The following SEMA3A variants were observed in gnomAD, a reference collection of about 807,000 sequenced individuals.
SEMA3A encodes the protein semaphorin 3A.
Under a neutral mutation model 97.9 loss-of-function variants are expected in SEMA3A, and 29 were observed. The observed-to-expected ratio is 0.30, with a 90% CI of 0.22 to 0.40. The LOEUF (loss-of-function observed/expected upper bound fraction) is 0.40, where lower values mean the gene tolerates loss of function less well. Ranked by LOEUF, SEMA3A falls within the 10% of genes least tolerant of loss-of-function variation. The probability of loss-of-function intolerance (pLI) is 1.00; values close to 1 mark genes in which losing one functional copy is unlikely to be tolerated. For missense variants in SEMA3A, 763 were observed against 951.3 expected (o/e 0.80, Z 2.60); for synonymous variants, 321 against 323.7 (o/e 0.99, Z 0.09).
At chr7:84,328,721 T>C (rs540198189) in intron 2 of SEMA3A, among the ~76,000 whole-genome samples, 1 of 152,156 alleles carries the variant, frequency 6.6e-6, no homozygotes, top group Admixed American at 6.6e-5. Flanking sequence ...AAATATTTTC[T>C]AAGGATTTGG....
rs1554385260 is a variant in SEMA3A, at chr7:84,429,516, T to TTTTATATATATATATA, written c.-245-57617_-245-57616insTATATATATATATAAA. Among the ~76,000 whole-genome samples the TTTTATATATATATATA allele has an allele frequency of 9.5e-3, 690 of 72,354 alleles. 39 individuals are homozygous for TTTTATATATATATATA. The highest frequency in any genetic ancestry group is 0.052 in the Middle Eastern group (5 of 96). 47.5% of individuals were successfully genotyped at this position (72,354 alleles called of 152,430 possible). On this transcript the variant is annotated intron_variant, in intron 1 of 3. Transcript: ENST00000424555. ...TTGCATTAGTAAAATATAGAGTTTGTTATATATATATATATATATATATAT... is the reference window on the plus strand; with the variant it reads ...TTGCATTAGTAAAATATAGAGTTTGTTTTATATATATATATATATATATATATATATATATATATAT...
intron 3 of SEMA3A, among the ~76,000 whole-genome samples, chr7:84,265,884 G>C (rs188337562): frequency 1.2e-3 from 182 of 152,096 alleles, no homozygotes; most frequent in African/African-American, 4.1e-3. Context: ...TTGGCTACTT[G>C]TTATAATTAC....
intron 6 of SEMA3A, among the ~76,000 whole-genome samples, chr7:84,033,772 C>T (rs919573281): frequency 6.6e-6 from 1 of 152,060 alleles, no homozygotes; most frequent in African/African-American, 2.4e-5. Flanking sequence ...GGTACAGATT[C>T]TCATTCAATA....
Position 84,060,406 on chromosome 7 carries a change from A to G in SEMA3A, c.547+59T>C, listed in dbSNP as rs1793165819. 26 of 1,088,710 alleles carry G rather than the reference A, an allele frequency of 2.4e-5. 1 individual carries two copies. The South Asian group carries it at 3.5e-4, about 15-fold the overall frequency. 67.4% of individuals were successfully genotyped at this position (1,088,710 alleles called of 1,614,324 possible). ...AAAATCTTGGTAGATAAAAAAGAAC[A>G]TACAACCTGTTTGTTATTTATAGAA... On this transcript the variant is annotated intron_variant, in intron 5 of 16. Coordinates refer to ENST00000265362, the MANE Select transcript of SEMA3A (RefSeq NM_006080.3).
intron 6 of SEMA3A, among the ~76,000 whole-genome samples, chr7:84,033,145 C>T (rs1791819135): frequency 6.6e-6 from 1 of 152,094 alleles, no homozygotes; most frequent in Admixed American, 6.6e-5. Context: ...CAGTTAAAGA[C>T]AGTTAATTCA....
chr7:84,173,722 G>A (rs1797469862), intron 1 of SEMA3A, among the ~76,000 whole-genome samples: 1 of 152,126 alleles, frequency 6.6e-6, no homozygotes. Flanking sequence ...AAGTGGTAGA[G>A]CAAGGGCTTC....
chr7:84,212,043 T>C lies in SEMA3A; in HGVS notation c.-82-17375A>G, dbSNP rs4509247. Among the ~76,000 whole-genome samples, 11 of 152,270 alleles carry C rather than the reference T, an allele frequency of 7.2e-5. No individual in the cohort carries two copies. In the South Asian group the frequency reaches 1.2e-3, roughly 17 times the overall value. Reference sequence around the variant, plus strand: ...CAGTCAGCCAAATATGGAAGACGAATATTCGGGAGCAGAGCATTGCATGTA... The same window carrying C: ...CAGTCAGCCAAATATGGAAGACGAACATTCGGGAGCAGAGCATTGCATGTA... On this transcript the variant is annotated intron_variant, in intron 3 of 3. Coordinates refer to the SEMA3A transcript ENST00000424555.
At chr7:84,268,672 C>T (rs1800071742) in intron 3 of SEMA3A, among the ~76,000 whole-genome samples, 1 of 152,138 alleles carries the variant, frequency 6.6e-6, no homozygotes, top group African/African-American at 2.4e-5. Flanking sequence ...TTACACCATC[C>T]TTCCTTTCCT....
At chr7:83,991,507 T>G (rs941583299) in intron 12 of SEMA3A, among the ~76,000 whole-genome samples, 1 of 151,096 alleles carries the variant, frequency 6.6e-6, no homozygotes, top group African/African-American at 2.4e-5. Flanking sequence ...AATACCTAAT[T>G]TATTGAGAGT....
intron 1 of SEMA3A, among the ~76,000 whole-genome samples, chr7:84,379,709 AAAC>A (rs1378038023): frequency 6.6e-6 from 1 of 152,190 alleles, no homozygotes; most frequent in Non-Finnish European, 1.5e-5. Context: ...AAAAAAAGAA[AAAC>A]AACAAAACTA....
At chr7:84,405,911 A>G (rs1804070809) in intron 1 of SEMA3A, among the ~76,000 whole-genome samples, 1 of 152,214 alleles carries the variant, frequency 6.6e-6, no homozygotes. Context: ...ATGTAGAGGG[A>G]AATTTATAGC....
At chr7:84,482,933 A>T (rs1006455440) in intron 1 of SEMA3A, among the ~76,000 whole-genome samples, 1 of 151,150 alleles carries the variant, frequency 6.6e-6, no homozygotes, top group Non-Finnish European at 1.5e-5. Context: ...TACCCTTGGA[A>T]TGTTTAATTA....
intron 2 of SEMA3A, among the ~76,000 whole-genome samples, chr7:84,132,525 A>C (rs534310080): frequency 6.6e-6 from 1 of 152,042 alleles, no homozygotes; most frequent in Non-Finnish European, 1.5e-5. Flanking sequence ...TAGGTATTCT[A>C]TGCTCATAAA....
intron 1 of SEMA3A, among the ~76,000 whole-genome samples, chr7:84,474,545 G>T (rs1293327858): frequency 6.6e-6 from 1 of 152,054 alleles, no homozygotes; most frequent in East Asian, 1.9e-4. Context: ...TATCCTCTAG[G>T]TAGGTGTAAT....
chr7:84,487,077 G>A (rs1326591557), intron 1 of SEMA3A, among the ~76,000 whole-genome samples: 1 of 152,074 alleles, frequency 6.6e-6, no homozygotes, highest in Non-Finnish European at 1.5e-5. Context: ...AACTTCTACT[G>A]TGAACATATA....
chr7:83,998,775 TTTG>T (rs1223112634), intron 12 of SEMA3A, among the ~76,000 whole-genome samples: 1 of 152,154 alleles, frequency 6.6e-6, no homozygotes, highest in East Asian at 1.9e-4. Context: ...ATTTTTAAAA[TTTG>T]TTATTATTAT....
At chr7:84,438,800 G>T (rs960689200) in intron 1 of SEMA3A, among the ~76,000 whole-genome samples, 1 of 151,942 alleles carries the variant, frequency 6.6e-6, no homozygotes, top group East Asian at 1.9e-4. Flanking sequence ...AGGTTTCACA[G>T]TCCTTGGAAG....
intron 3 of SEMA3A, among the ~76,000 whole-genome samples, chr7:84,277,231 ATAT>A (rs1800324252): frequency 6.6e-6 from 1 of 151,970 alleles, no homozygotes; most frequent in Non-Finnish European, 1.5e-5. Context: ...CCAGTTGCAA[ATAT>A]TATTAGGCAT....
chr7:84,434,523 C>A (rs761630490), intron 1 of SEMA3A, among the ~76,000 whole-genome samples: 1 of 152,074 alleles, frequency 6.6e-6, no homozygotes, highest in Non-Finnish European at 1.5e-5. Flanking sequence ...TAAGCCAGAA[C>A]CACCCTGATA....
Sources: gnomAD v4.1 joint callset for allele counts (sites outside exome capture counted in the v4.1 genomes callset) on GRCh38, gnomAD v4.1.1 for gene constraint, MANE v1.5 for transcripts, NCBI Gene and HGNC (gene_info 2026-07-23, HGNC 2026-07-21) for gene names.